Variants in ANO9 observed in about 807,000 individuals in gnomAD.
ANO9 encodes anoctamin 9.
In ANO9, 80 loss-of-function variants were observed where a neutral mutation model predicts 100.5. The observed-to-expected ratio is 0.80, with a 90% CI of 0.66 to 0.96. The LOEUF (loss-of-function observed/expected upper bound fraction) is 0.96. Ranked by LOEUF, ANO9 falls within the 40% of genes least tolerant of loss-of-function variation. ANO9 has a pLI of 0.00. For missense variants in ANO9, 1,064 were observed against 1,072.7 expected (o/e 0.99, Z 0.11); for synonymous variants, 473 against 435.6 (o/e 1.09, Z -1.07).
At chr11:430,002 AGGCCTTGATCTCCCCCGCTTCGG>A (rs1388600733) in intron 9 of ANO9, 58 bp downstream of exon 9, 1 of 1,470,680 alleles carries the variant, frequency 6.8e-7, no homozygotes, top group Non-Finnish European at 9.3e-7. Flanking sequence ...GCAGGGCTCC[AGGCCTTGATCTCCCCCGCTTCGG>A]GTGGATGCAC....
intron 19 of ANO9, chr11:420,097 C>T (rs1235543844): frequency 8.4e-6 from 11 of 1,313,478 alleles, no homozygotes; most frequent in Middle Eastern, 3.0e-4. Context: ...CCACATCCAG[C>T]GCCCCAGCTC....
intron 9 of ANO9, 45 bp downstream of exon 9, chr11:430,038 T>G (rs985372793): frequency 1.6e-5 from 25 of 1,532,554 alleles, no homozygotes; most frequent in Non-Finnish European, 2.1e-5. Flanking sequence ...GGATGCACCG[T>G]TCCCATCTTC....
At chr11:440,762 T>A (rs1380334602) in intron 1 of ANO9, 1 of 151,404 alleles carries the variant, frequency 6.6e-6, no homozygotes, top group Non-Finnish European at 1.5e-5. Flanking sequence ...CACGCCCGGG[T>A]TCGAGCAGTC....
intron 17 of ANO9, 37 bp from the exon 18 acceptor site, chr11:420,897 G>A (rs766191600): frequency 1.9e-5 from 31 of 1,592,664 alleles, no homozygotes; most frequent in Non-Finnish European, 2.4e-5. Flanking sequence ...GGGCGCAGGG[G>A]GCGGAGGGGC....
rs1277301812 is a variant in ANO9 at position 433,448 on chromosome 11, G to A, written c.216C>T (p.Asp72=). The change falls in exon 4 of 23, where the codon GAC becomes GAT. Residue 72 remains aspartate (D), a synonymous_variant. Transcript: ENST00000332826. ...RKGFHIKVIR[D]QKQVFFGIRA... is the part of the protein sequence containing the mutation. ...GGATCCCAAAGAAGACCTGTTTCTG[G>A]TCCCGGATCACCTGGGGGCACATGG... 3.7e-6 allele frequency: 6 copies of A among 1,613,048 alleles called. No individual in the cohort carries two copies. In the African/African-American group the frequency reaches 5.3e-5, roughly 14 times the overall value.
intron 15 of ANO9, among the ~76,000 whole-genome samples, chr11:423,571 G>C (rs1848319292): frequency 6.6e-6 from 1 of 152,082 alleles, no homozygotes; most frequent in African/African-American, 2.4e-5. Flanking sequence ...GCAATGGTGA[G>C]ATTATGGCTC....
At chr11:430,248 C>A in intron 8 of ANO9, 21 bp downstream of exon 8, 8 of 1,554,416 alleles carry the variant, frequency 5.1e-6, no homozygotes, top group Non-Finnish European at 7.0e-6. Context: ...CCCCCCATGC[C>A]CGGCCCCTGC....
intron 15 of ANO9, among the ~76,000 whole-genome samples, chr11:426,408 C>T (rs1848524139): frequency 2.0e-5 from 3 of 151,800 alleles, no homozygotes; most frequent in Non-Finnish European, 2.9e-5. Context: ...CCCATCTCTA[C>T]AAAAAATAGA....
intron 1 of ANO9, 60 bp downstream of exon 1, chr11:441,861 C>T: frequency 1.3e-6 from 2 of 1,585,348 alleles, no homozygotes; most frequent in Non-Finnish European, 1.7e-6. Context: ...GCCGGGGGCC[C>T]CAGGTGTGGG....
rs748079739 is a variant in ANO9, at chr11:430,301, G to A, written c.642C>T (p.Ser214=). The A allele has an allele frequency of 1.1e-5, 17 of 1,599,816 alleles. No individual in the cohort carries two copies. The highest frequency in any genetic ancestry group is 8.5e-5 in the Admixed American group (5 of 58,658). ...GGCTGGCCTCAAACAGCGAGAATCC[G>A]CTCAGAAAGACTAAGAGGCCCGTCA... The part of the protein sequence containing the change: ...AALTGLLVFL[S]GFSLFEASQI... The change falls in exon 8 of 23, where the codon AGC becomes AGT. Residue 214 remains serine (S), a synonymous_variant. Coordinates refer to ENST00000332826, the MANE Select transcript of ANO9 (RefSeq NM_001012302.3).
intron 15 of ANO9, among the ~76,000 whole-genome samples, chr11:427,470 G>A (rs138799010): frequency 1.3e-5 from 2 of 152,164 alleles, no homozygotes; most frequent in East Asian, 1.9e-4. Flanking sequence ...AGTGGCTCAC[G>A]CCTGAAATCC....
chr11:427,247 G>C (rs2133691624), intron 15 of ANO9, among the ~76,000 whole-genome samples: 1 of 152,186 alleles, frequency 6.6e-6, no homozygotes, highest in South Asian at 2.1e-4. Context: ...CCACTCAGGA[G>C]GCTGAGGCAG....
At chr11:438,551 C>T (rs907348396) in intron 1 of ANO9, among the ~76,000 whole-genome samples, 3 of 151,890 alleles carry the variant, frequency 2.0e-5, no homozygotes, top group Non-Finnish European at 2.9e-5. Flanking sequence ...ACTGGGCCCA[C>T]CAGCCTCCAG....
Position 422,303 on chromosome 11 carries a change from G to A in ANO9, c.1335-1105C>T, listed in dbSNP as rs58272023. 0.021 allele frequency among the ~76,000 whole-genome samples: 3,271 copies of A among 152,372 alleles called. 123 individuals are homozygous for A. Among genetic ancestry groups the A allele is most frequent in the African/African-American group, 0.074 (3,092 of 41,586 alleles). Reference sequence around the variant, plus strand: ...CGGAGGATGTATTTGTAGTCAGAGCGATGGGCCGCAAAGACGTCCACGTGC... The same window carrying A: ...CGGAGGATGTATTTGTAGTCAGAGCAATGGGCCGCAAAGACGTCCACGTGC... On this transcript the variant is annotated intron_variant, in intron 15 of 22. Transcript: ENST00000332826. This position sits in a 1 kb window ranked among gnomAD's most constrained non-coding sequence, Gnocchi z 4.3.
At position 420,634 on chromosome 11, in the gene ANO9, G is replaced by A; in HGVS notation, c.1634-19C>T. ...TGGATCACTGCGCGGTGGGGGTCAG[G>A]CTCACCGGCGCCCCGCACTCATGTC... On this transcript the variant is annotated intron_variant, in intron 18 of 22. Transcript: ENST00000332826. The A allele has an allele frequency of 6.2e-7, 1 of 1,603,128 alleles. No homozygotes were observed. Among genetic ancestry groups the A allele is most frequent in the Non-Finnish European group, 8.5e-7 (1 of 1,178,024 alleles).
intron 7 of ANO9, among the ~76,000 whole-genome samples, chr11:431,458 C>T (rs1590478743): frequency 1.8e-5 from 1 of 56,012 alleles, no homozygotes; most frequent in African/African-American, 8.3e-5. Context: ...TGTGGGGGCT[C>T]CCGCGGGTAT....
chr11:430,222 G>A, intron 8 of ANO9, 43 bp from the exon 9 acceptor site: 2 of 1,550,690 alleles, frequency 1.3e-6, no homozygotes, highest in Non-Finnish European at 1.7e-6. Flanking sequence ...CCTCCAGGCA[G>A]CAGGGCCCAC....
At chr11:439,412 T>C (rs1429470178) in intron 1 of ANO9, among the ~76,000 whole-genome samples, 1 of 113,462 alleles carries the variant, frequency 8.8e-6, no homozygotes, top group East Asian at 4.5e-4. Flanking sequence ...AGCCTCCAGG[T>C]TGGGGGCAGG....
chr11:441,783 C>T lies in ANO9; in HGVS notation c.6+138G>A, dbSNP rs183197417. 2.0e-4 allele frequency: 270 copies of T among 1,344,216 alleles called. 2 individuals carry two copies. The Middle Eastern group carries it at 3.1e-3, about 16-fold the overall frequency. The allele number at this position is 1,344,216 out of a possible 1,614,324, so 83.3% of individuals were successfully genotyped here. On this transcript the variant is annotated intron_variant, in intron 1 of 22. Coordinates refer to ENST00000332826, the MANE Select transcript of ANO9 (RefSeq NM_001012302.3). ...AGCCGGGCGGTCACCCTCGCCTGACCGGGCAGCCTGCAGGGACCCCCCCCA... is the reference window on the plus strand; with the variant it reads ...AGCCGGGCGGTCACCCTCGCCTGACTGGGCAGCCTGCAGGGACCCCCCCCA...
Sources: gnomAD v4.1 joint callset for allele counts (sites outside exome capture counted in the v4.1 genomes callset) on GRCh38, gnomAD v4.1.1 for gene constraint, Gnocchi (gnomAD v3.1) non-coding constraint, MANE v1.5 for transcripts, NCBI Gene and HGNC (gene_info 2026-07-23, HGNC 2026-07-21) for gene names.